The following SCN9A variants were observed in gnomAD, a reference collection of about 807,000 sequenced individuals.
The protein encoded by SCN9A is sodium voltage-gated channel alpha subunit 9.
A neutral mutation model predicts 187.0 loss-of-function variants in SCN9A; 131 were observed. The ratio of observed to expected loss-of-function variants is 0.70; its 90% CI spans 0.61 to 0.81. The LOEUF is 0.81. Ranked by LOEUF, SCN9A falls within the 30% of genes least tolerant of loss-of-function variation. The probability of loss-of-function intolerance (pLI) is 0.00; values close to 1 mark genes in which losing one functional copy is unlikely to be tolerated. For synonymous variants in SCN9A, 809 were observed against 808.6 expected (o/e 1.00, Z -0.01); for missense variants, 2,252 against 2,396.6 (o/e 0.94, Z 1.26).
At chr2:166,248,796 AG>A (rs1436771096) in intron 18 of SCN9A, among the ~76,000 whole-genome samples, 1 of 152,062 alleles carries the variant, frequency 6.6e-6, no homozygotes, top group Non-Finnish European at 1.5e-5. Flanking sequence ...CCTCACAAGT[AG>A]CTGGGATTAT....
intron 24 of SCN9A, among the ~76,000 whole-genome samples, chr2:166,214,169 C>G (rs1025353890): frequency 6.6e-6 from 1 of 152,090 alleles, no homozygotes; most frequent in Non-Finnish European, 1.5e-5. Flanking sequence ...GGCCCTGACA[C>G]AGAGCTTGGC....
At chr2:166,370,223 A>ATCATCATCATC (rs1553507710) in intron 1 of SCN9A, among the ~76,000 whole-genome samples, 5,859 of 120,642 alleles carry the variant, frequency 0.049, 167 homozygotes, top group Middle Eastern at 0.076. Flanking sequence ...TAATAATAAT[A>ATCATCATCATC]ATAATAATAA....
chr2:166,256,640 C>T (rs964557823), intron 17 of SCN9A, among the ~76,000 whole-genome samples: 1 of 151,060 alleles, frequency 6.6e-6, no homozygotes, highest in Non-Finnish European at 1.5e-5. Flanking sequence ...GCAAGAAAAC[C>T]AATTTTTTTT....
chr2:166,361,986 T>C (rs976652752), intron 1 of SCN9A, among the ~76,000 whole-genome samples: 6 of 152,102 alleles, frequency 3.9e-5, no homozygotes, highest in African/African-American at 1.4e-4. Context: ...AAAAGCCCTT[T>C]AATTCAATAT....
Position 166,199,331 on chromosome 2 carries a change from T to C in SCN9A, c.5308A>G (p.Ser1770Gly). Residue 1770 changes from serine to glycine, a missense_variant, in exon 27 of 27, where the codon AGT becomes GGT. Ser to Gly is a moderately conservative substitution (Grantham distance 56, BLOSUM62 0). Coordinates refer to ENST00000642356, the MANE Select transcript of SCN9A (RefSeq NM_001365536.1). ...TCATCCTCACTCAGAGGTTCAGTAC[T>C]TTCTTCAGTGGCAACACTAAAATTC... The part of the protein sequence containing the change: ...LENFSVATEE[S>G]TEPLSEDDFE... The C allele has an allele frequency of 6.2e-7, 1 of 1,614,194 alleles. No homozygotes were observed. The highest frequency in any genetic ancestry group is 8.5e-7 in the Non-Finnish European group (1 of 1,180,028).
At chr2:166,221,750 T>C (rs1694595230) in intron 24 of SCN9A, among the ~76,000 whole-genome samples, 1 of 152,022 alleles carries the variant, frequency 6.6e-6, no homozygotes, top group Non-Finnish European at 1.5e-5. Context: ...ATTAAAATAG[T>C]ATGGTCCTGG....
intron 1 of SCN9A, among the ~76,000 whole-genome samples, chr2:166,344,251 A>C (rs1471898656): frequency 4.6e-5 from 7 of 152,200 alleles, no homozygotes; most frequent in Admixed American, 3.9e-4. Context: ...CATTAATAAT[A>C]CTAAAAAGCC....
At chr2:166,369,978 T>C (rs534278901) in intron 1 of SCN9A, among the ~76,000 whole-genome samples, 1 of 152,078 alleles carries the variant, frequency 6.6e-6, no homozygotes, top group African/African-American at 2.4e-5. Flanking sequence ...CATAATATTT[T>C]ATTATCATGA....
In SCN9A at chr2:166,369,813, G is replaced by A. The variant is rs143281561; in HGVS notation, c.-51+5884C>T. Reference sequence around the variant, plus strand: ...CTTGAAAGAATAGTCATTTAGTAGAGCTTAAATCAATATATGAAATATAAA... The same window carrying A: ...CTTGAAAGAATAGTCATTTAGTAGAACTTAAATCAATATATGAAATATAAA... On this transcript the variant is annotated intron_variant, in intron 1 of 26. Coordinates refer to ENST00000642356, the MANE Select transcript of SCN9A (RefSeq NM_001365536.1). 3.2e-3 allele frequency among the ~76,000 whole-genome samples: 483 copies of A among 152,176 alleles called. 4 individuals carry two copies. The highest frequency in any genetic ancestry group is 0.011 in the African/African-American group (459 of 41,540).
chr2:166,291,534 A>C (rs1698070751), intron 9 of SCN9A, among the ~76,000 whole-genome samples: 1 of 152,232 alleles, frequency 6.6e-6, no homozygotes, highest in Non-Finnish European at 1.5e-5. Flanking sequence ...TAGTCCCATC[A>C]AATTACCATT....
chr2:166,301,700 T>C (rs1698561346), intron 7 of SCN9A: 1 of 150,854 alleles, frequency 6.6e-6, no homozygotes, highest in Non-Finnish European at 1.5e-5. Flanking sequence ...TAAAATAATC[T>C]ACAATATTAA....
rs34570325 is a variant in SCN9A at position 166,281,879 on chromosome 2, C to CT, written c.1975-72dup. On this transcript the variant is annotated intron_variant, in intron 12 of 26. Transcript: ENST00000642356. ...ATTGTAGGTATAAGATAAAATCTTGCTTATATAGCTGTAGTGAGTAATTAA... is the reference window on the plus strand; with the variant it reads ...ATTGTAGGTATAAGATAAAATCTTGCTTTATATAGCTGTAGTGAGTAATTAA... The CT allele has an allele frequency of 0.083, 117,207 of 1,414,328 alleles. 5,844 individuals carry two copies. The highest frequency in any genetic ancestry group is 0.21 in the Admixed American group (10,223 of 48,752). 87.6% of individuals were successfully genotyped at this position (1,414,328 alleles called of 1,614,324 possible). A position where few individuals can be genotyped will look rare whatever the true frequency, so the allele number is the denominator to read the frequency against.
Position 166,272,775 on chromosome 2 carries a change from A to T in SCN9A, c.2975T>A (p.Val992Glu). The T allele has an allele frequency of 6.5e-7, 1 of 1,532,006 alleles. No homozygotes were observed. The highest frequency in any genetic ancestry group is 1.3e-5 in the South Asian group (1 of 74,654). 94.9% of individuals were successfully genotyped at this position (1,532,006 alleles called of 1,614,324 possible). ...DPDANNLQIAVTRIKKGINYV... is the reference protein window; with the variant it reads ...DPDANNLQIAETRIKKGINYV... ...ATTTATTCCCTTTTTAATTCTAGTC[A>T]CTGCAATCTGGAGGTTGTTTGCATC... The change falls in exon 17 of 27, where the codon GTG (valine) becomes GAG (glutamate). Residue 992 changes from valine (V) to glutamate (E), a missense_variant. Coordinates refer to ENST00000642356, the MANE Select transcript of SCN9A (RefSeq NM_001365536.1).
chr2:166,310,635 C>T (rs549789421), intron 2 of SCN9A, among the ~76,000 whole-genome samples: 27 of 135,222 alleles, frequency 2.0e-4, no homozygotes, highest in African/African-American at 7.2e-4. Context: ...GAAATAGGAA[C>T]ACTTTTACAC....
At chr2:166,346,693 T>C (rs1699909015) in intron 1 of SCN9A, among the ~76,000 whole-genome samples, 1 of 152,140 alleles carries the variant, frequency 6.6e-6, no homozygotes. Context: ...CCAAAAGGAA[T>C]TGGAAACTTA....
intron 1 of SCN9A, among the ~76,000 whole-genome samples, chr2:166,319,349 C>CAAAA (rs397868358): frequency 7.4e-6 from 1 of 134,816 alleles, no homozygotes. Flanking sequence ...TAAGGTAGAG[C>CAAAA]AAAAAAAAAA....
At chr2:166,309,876 C>G (rs1031085416) in intron 2 of SCN9A, among the ~76,000 whole-genome samples, 1 of 149,604 alleles carries the variant, frequency 6.7e-6, no homozygotes, top group Non-Finnish European at 1.5e-5. Context: ...GTAACCCAAA[C>G]AGCATGGTAC....
At chr2:166,310,725 G>T (rs1698914589) in intron 2 of SCN9A, among the ~76,000 whole-genome samples, 1 of 128,810 alleles carries the variant, frequency 7.8e-6, no homozygotes, top group African/African-American at 3.2e-5. Flanking sequence ...AATACCATTT[G>T]ACCCAGCCAT....
Position 166,286,364 on chromosome 2 carries a change from T to A in SCN9A, c.1574A>T (p.His525Leu). 6.2e-7 allele frequency: 1 copy of A among 1,611,538 alleles called. No individual in the cohort carries two copies. The highest frequency in any genetic ancestry group is 8.5e-7 in the Non-Finnish European group (1 of 1,179,264). The change falls in exon 11 of 27, where the codon CAT (histidine) becomes CTT (leucine). Residue 525 changes from histidine to leucine, a missense_variant. Physicochemically the swap from His to Leu is moderately conservative, Grantham distance 99. Around this residue, in one of 7 missense-constraint regions of SCN9A, gnomAD observed 1,013 missense variants for 997.4 expected, o/e 1.02. Coordinates refer to ENST00000642356, the MANE Select transcript of SCN9A (RefSeq NM_001365536.1). Reference protein sequence around the residue: ...HLGVEGHRRAHEKRLSTPNQS... With the variant: ...HLGVEGHRRALEKRLSTPNQS... The stretch of plus-strand genomic sequence containing the variant: ...ATTGGGGGTAGACAACCTCTTTTCA[T>A]GTGCTCGCCTATGCCCTTCGACACC...
Sources: allele counts gnomAD v4.1 joint callset (sites outside exome capture counted in the v4.1 genomes callset), GRCh38; gene constraint gnomAD v4.1.1; regional missense constraint gnomAD v4.1.1; transcripts MANE v1.5; gene names NCBI Gene and HGNC (gene_info 2026-07-23, HGNC 2026-07-21).